Variants in ANKRD31 observed in about 807,000 individuals in gnomAD.
ANKRD31 encodes ankyrin repeat domain-containing protein 31.
Under a neutral mutation model 186.0 loss-of-function variants are expected in ANKRD31, and 147 were observed. The observed-to-expected ratio is 0.79, with a 90% CI of 0.69 to 0.91. The LOEUF (loss-of-function observed/expected upper bound fraction) is 0.91, where lower values mean the gene tolerates loss of function less well. Among genes scored for constraint, ANKRD31 ranks in the 40% least tolerant of loss-of-function variants. The pLI is 0.00. For synonymous variants in ANKRD31, 673 were observed against 736.4 expected, an observed-to-expected ratio of 0.91 and a Z score of 1.39; for missense variants, 1,986 against 2,148.8, an observed-to-expected ratio of 0.92 and a Z score of 1.50.
chr5:75,176,522 C>G (rs1753816282), intron 10 of ANKRD31, among the ~76,000 whole-genome samples: 2 of 152,152 alleles, frequency 1.3e-5, no homozygotes, highest in Admixed American at 1.3e-4. Context: ...CCGGGTACTC[C>G]TCTGAGACAA....
intron 3 of ANKRD31, among the ~76,000 whole-genome samples, chr5:75,212,336 G>A (rs899830130): frequency 3.9e-5 from 6 of 152,096 alleles, no homozygotes; most frequent in African/African-American, 1.2e-4. Context: ...AACTGGGCAG[G>A]GCACAGTGGG....
At chr5:75,227,994 G>T (rs1056282314) in intron 2 of ANKRD31, among the ~76,000 whole-genome samples, 1 of 152,152 alleles carries the variant, frequency 6.6e-6, no homozygotes, top group Admixed American at 6.5e-5. Flanking sequence ...ACCCCCAACC[G>T]CCATCCTGGG....
At chr5:75,069,537 T>G (rs1356307801) in intron 25 of ANKRD31, among the ~76,000 whole-genome samples, 1 of 152,000 alleles carries the variant, frequency 6.6e-6, no homozygotes, top group Non-Finnish European at 1.5e-5. Flanking sequence ...TTTTTTGTTT[T>G]TGTTTTTGTT....
chr5:75,131,085 C>T (rs149728113), intron 17 of ANKRD31, among the ~76,000 whole-genome samples: 204 of 148,968 alleles, frequency 1.4e-3, no homozygotes, highest in African/African-American at 4.3e-3. Flanking sequence ...CAGGGTCCAC[C>T]GAGCCCACAC....
chr5:75,109,640 T>G (rs1000706135), intron 20 of ANKRD31, among the ~76,000 whole-genome samples: 1 of 152,098 alleles, frequency 6.6e-6, no homozygotes, highest in Non-Finnish European at 1.5e-5. Context: ...CCTAGAGACC[T>G]TGAAAAATGA....
intron 3 of ANKRD31, among the ~76,000 whole-genome samples, chr5:75,211,684 GTCA>G (rs528288428): frequency 6.6e-5 from 10 of 152,024 alleles, no homozygotes; most frequent in Admixed American, 1.3e-4. Flanking sequence ...TTAAATAATA[GTCA>G]TCATAATGAG....
intron 22 of ANKRD31, among the ~76,000 whole-genome samples, chr5:75,100,634 T>C (rs1447829897): frequency 6.6e-6 from 1 of 152,200 alleles, no homozygotes; most frequent in African/African-American, 2.4e-5. Flanking sequence ...ATATTTCGGA[T>C]AGTTAGCTCT....
chr5:75,139,739 T>C (rs1340014439), intron 15 of ANKRD31, among the ~76,000 whole-genome samples: 1 of 152,114 alleles, frequency 6.6e-6, no homozygotes, highest in East Asian at 1.9e-4. Context: ...CAAAGGGAAT[T>C]GTAGAGAGAG....
intron 3 of ANKRD31, among the ~76,000 whole-genome samples, chr5:75,221,371 G>A (rs935383179): frequency 1.8e-4 from 28 of 152,132 alleles, no homozygotes; most frequent in African/African-American, 6.5e-4. Context: ...GTGTGTGCAG[G>A]CACATACATA....
At chr5:75,089,410 C>T (rs1308654446) in intron 23 of ANKRD31, among the ~76,000 whole-genome samples, 2 of 152,168 alleles carry the variant, frequency 1.3e-5, no homozygotes, top group African/African-American at 2.4e-5. Context: ...GCCTGACCAC[C>T]AACCACTCCT....
At chr5:75,232,921 G>A (rs920421436) in intron 1 of ANKRD31, among the ~76,000 whole-genome samples, 4 of 152,148 alleles carry the variant, frequency 2.6e-5, no homozygotes, top group African/African-American at 7.2e-5. Context: ...AGAGAATTCT[G>A]TACAAACAGA....
At chr5:75,092,734 GA>G (rs1028740702) in intron 22 of ANKRD31, among the ~76,000 whole-genome samples, 5 of 151,560 alleles carry the variant, frequency 3.3e-5, no homozygotes, top group African/African-American at 4.8e-5. Context: ...CACACACTGG[GA>G]AAAAAAACAG....
intron 10 of ANKRD31, among the ~76,000 whole-genome samples, chr5:75,181,789 A>C (rs1452305018): frequency 6.6e-6 from 1 of 151,780 alleles, no homozygotes; most frequent in Non-Finnish European, 1.5e-5. Flanking sequence ...ATGTTAAATG[A>C]CGAGTTAATG....
At chr5:75,207,439 T>C (rs942806172) in intron 4 of ANKRD31, among the ~76,000 whole-genome samples, 1 of 152,070 alleles carries the variant, frequency 6.6e-6, no homozygotes, top group African/African-American at 2.4e-5. Flanking sequence ...AGTCTGAAAA[T>C]AGAGCAAAGC....
At chr5:75,095,727 T>G (rs1746270254) in intron 22 of ANKRD31, among the ~76,000 whole-genome samples, 1 of 152,202 alleles carries the variant, frequency 6.6e-6, no homozygotes, top group African/African-American at 2.4e-5. Context: ...GTAGTGATGC[T>G]GGCATACTGT....
intron 11 of ANKRD31, among the ~76,000 whole-genome samples, chr5:75,158,650 G>A (rs1328323253): frequency 6.6e-6 from 1 of 151,936 alleles, no homozygotes; most frequent in Non-Finnish European, 1.5e-5. Context: ...TAAAAAGCTG[G>A]GTGTGGTGGT....
chr5:75,169,272 T>C (rs1753148653), intron 10 of ANKRD31, 151 bp from the exon 11 acceptor site: 1 of 879,492 alleles, frequency 1.1e-6, no homozygotes, highest in Non-Finnish European at 1.7e-6. Context: ...AAGCACACTG[T>C]ATTATTTGGT....
intron 22 of ANKRD31, among the ~76,000 whole-genome samples, chr5:75,097,261 T>A (rs1305890812): frequency 6.6e-6 from 1 of 152,210 alleles, no homozygotes; most frequent in East Asian, 1.9e-4. Context: ...GTTGAACTAG[T>A]TTACAGTGCC....
At chr5:75,099,105 A>G (rs1401155471) in intron 22 of ANKRD31, among the ~76,000 whole-genome samples, 1 of 152,196 alleles carries the variant, frequency 6.6e-6, no homozygotes, top group Non-Finnish European at 1.5e-5. Context: ...GATACATCCC[A>G]TCGATACCTA....
Sources: allele counts gnomAD v4.1 joint callset (sites outside exome capture counted in the v4.1 genomes callset), GRCh38; gene constraint gnomAD v4.1.1; transcripts MANE v1.5; gene names NCBI Gene and HGNC (gene_info 2026-07-23, HGNC 2026-07-21).